Variants in CYP2S1 observed in about 807,000 individuals in gnomAD.
CYP2S1 encodes cytochrome P450 2S1.
A neutral mutation model predicts 43.5 loss-of-function variants in CYP2S1; 32 were observed. The ratio of observed to expected loss-of-function variants is 0.74; its 90% confidence interval spans 0.56 to 0.99. The LOEUF (loss-of-function observed/expected upper bound fraction) is 0.99, where lower values mean the gene tolerates loss of function less well. Ranked by LOEUF, CYP2S1 falls within the 50% of genes least tolerant of loss-of-function variation. The probability of loss-of-function intolerance (pLI) is 0.00; values close to 1 mark genes in which losing one functional copy is unlikely to be tolerated. For synonymous variants in CYP2S1, 283 were observed against 302.9 expected, an observed-to-expected ratio of 0.93 and a Z score of 0.68; for missense variants, 575 against 673.9, an observed-to-expected ratio of 0.85 and a Z score of 1.62.
chr19:41,205,226 G>A (rs1170938090), intron 7 of CYP2S1, among the ~76,000 whole-genome samples: 1 of 152,110 alleles, frequency 6.6e-6, no homozygotes, highest in African/African-American at 2.4e-5. Context: ...GAAACTGAGA[G>A]CTTGAAAAGT....
At chr19:41,193,957 A>G in intron 1 of CYP2S1, 1 of 155,330 alleles carries the variant, frequency 6.4e-6, no homozygotes, top group Non-Finnish European at 1.4e-5. Flanking sequence ...GCAGGATGGG[A>G]GGATGGGTGG....
At chr19:41,195,537 AAG>A (rs1291281014) in intron 2 of CYP2S1, among the ~76,000 whole-genome samples, 2 of 151,924 alleles carry the variant, frequency 1.3e-5, no homozygotes, top group African/African-American at 4.8e-5. Context: ...GGGTCAGGGC[AAG>A]AGGGGTCAGG....
chr19:41,206,064 T>G lies in CYP2S1; in HGVS notation c.1271T>G (p.Phe424Cys), dbSNP rs1250903079. ...PDRFLDADGR[F>C]RKHEAFLPFS... ...CGTTTCCTGGATGCAGATGGACGGT[T>G]CAGGAAGCATGAGGCGTTCCTGCCC... The change falls in exon 8 of 9, where the codon TTC (phenylalanine) becomes TGC (cysteine). Residue 424 changes from phenylalanine (F) to cysteine (C), a missense_variant. Transcript: ENST00000310054. 6.2e-7 allele frequency: 1 copy of G among 1,614,088 alleles called. No individual in the cohort carries two copies. The highest frequency in any genetic ancestry group is 2.2e-5 in the East Asian group (1 of 44,862).
intron 2 of CYP2S1, among the ~76,000 whole-genome samples, chr19:41,196,078 A>G (rs1287807897): frequency 6.6e-6 from 1 of 152,096 alleles, no homozygotes. Flanking sequence ...GGGCACAGGC[A>G]TATGTACGAG....
At chr19:41,201,511 G>A (rs2033489261) in intron 6 of CYP2S1, 139 bp downstream of exon 6, 2 of 1,260,374 alleles carry the variant, frequency 1.6e-6, no homozygotes, top group Middle Eastern at 2.6e-4. Flanking sequence ...TTTAAGACCA[G>A]CCTGGCCAAC....
Position 41,193,229 on chromosome 19 carries a change from A to T in CYP2S1, c.-36A>T. ...GCCCCTAACTAGCCCAGCCGCGCGGAGCGCCTGGGAGAGGAGAAGGAGCCG... is the reference window on the plus strand; with the variant it reads ...GCCCCTAACTAGCCCAGCCGCGCGGTGCGCCTGGGAGAGGAGAAGGAGCCG... On this transcript the variant is annotated 5_prime_UTR_variant, in exon 1 of 9. Coordinates refer to ENST00000310054, the MANE Select transcript of CYP2S1 (RefSeq NM_030622.8). 3 of 1,486,966 alleles carry T rather than the reference A, an allele frequency of 2.0e-6. No homozygotes were observed. The highest frequency in any genetic ancestry group is 2.7e-6 in the Non-Finnish European group (3 of 1,125,156). The allele number at this position is 1,486,966 out of a possible 1,614,324, so 92.1% of individuals were successfully genotyped here.
At chr19:41,202,050 G>A (rs113105608) in intron 6 of CYP2S1, among the ~76,000 whole-genome samples, 1,630 of 152,134 alleles carry the variant, frequency 0.011, 35 homozygotes, top group African/African-American at 0.038. Flanking sequence ...GCAGTAGTGC[G>A]ATCTCGGCCC....
At position 41,199,928 on chromosome 19, in the gene CYP2S1, C is replaced by A. The variant is rs375272116; in HGVS notation, c.834+1040C>A. On this transcript the variant is annotated intron_variant, in intron 5 of 8. Transcript: ENST00000310054. The stretch of plus-strand genomic sequence containing the variant: ...TAGGTTGCGGTGAGCTGAGATTGCA[C>A]CATTGCACTCCAGCCTGGGCAACAA... Among the ~76,000 whole-genome samples the A allele has an allele frequency of 6.6e-5, 10 of 150,524 alleles. 1 individual carries two copies. In the East Asian group the frequency reaches 1.4e-3, roughly 21 times the overall value.
rs1317007312 is a variant in CYP2S1, at chr19:41,198,462, G to A, written c.494G>A (p.Gly165Glu). 5 of 1,613,650 alleles carry A rather than the reference G, an allele frequency of 3.1e-6. No individual in the cohort carries two copies. The highest frequency in any genetic ancestry group is 4.2e-6 in the Non-Finnish European group (5 of 1,179,820). The change falls in exon 4 of 9, where the codon GGA becomes GAA. Residue 165 changes from glycine (G) to glutamate (E), a missense_variant and splice_region_variant. By Grantham distance (98) the Gly-to-Glu change is moderately conservative (BLOSUM62 -2). Coordinates refer to ENST00000310054, the MANE Select transcript of CYP2S1 (RefSeq NM_030622.8). The surrounding 1 kb of genome is among the most constrained non-coding windows in gnomAD (Gnocchi z 4.9). ...CLVETFQGTEGRPFDPSLLLA... is the reference protein window; with the variant it reads ...CLVETFQGTEERPFDPSLLLA... Reference sequence around the variant, plus strand: ...ACCTCCCTGCCCCCATTCCCCCCAGGACGCCCATTCGATCCCTCCCTGCTG... The same window carrying A: ...ACCTCCCTGCCCCCATTCCCCCCAGAACGCCCATTCGATCCCTCCCTGCTG...
chr19:41,205,467 CTT>C (rs2033562970), intron 7 of CYP2S1, among the ~76,000 whole-genome samples: 1 of 149,110 alleles, frequency 6.7e-6, no homozygotes, highest in African/African-American at 2.5e-5. Flanking sequence ...CTCTCTCTCT[CTT>C]TCTTCCTTTC....
intron 7 of CYP2S1, among the ~76,000 whole-genome samples, chr19:41,205,358 C>T (rs1356638980): frequency 3.0e-5 from 3 of 99,424 alleles, no homozygotes; most frequent in African/African-American, 1.8e-4. Flanking sequence ...TTCTTTCTTT[C>T]TTTCTTTCTT....
chr19:41,196,311 G>A (rs2033412358), intron 2 of CYP2S1, among the ~76,000 whole-genome samples: 1 of 152,184 alleles, frequency 6.6e-6, no homozygotes, highest in African/African-American at 2.4e-5. Flanking sequence ...AAGCTGAGAA[G>A]CCAGGGAAAT....
At chr19:41,196,521 G>A (rs338596) in intron 2 of CYP2S1, among the ~76,000 whole-genome samples, 56,482 of 151,788 alleles carry the variant, frequency 0.37, 12,830 homozygotes, top group African/African-American at 0.64. Flanking sequence ...TGGGAGGTCC[G>A]CGGTGATGGA....
chr19:41,194,559 G>A lies in CYP2S1; in HGVS notation c.193G>A (p.Gly65Arg), dbSNP rs773395536. The A allele has an allele frequency of 5.6e-6, 9 of 1,596,934 alleles. No homozygotes were observed. The highest frequency in any genetic ancestry group is 2.3e-5 in the South Asian group (2 of 88,370). ...SGLMRLSKKYGPVFTIYLGPW... is the reference protein window; with the variant it reads ...SGLMRLSKKYRPVFTIYLGPW... ...CTACCCCCAGCTGAGTAAGAAGTACGGACCGGTGTTCACCATCTACCTGGG... is the reference window on the plus strand; with the variant it reads ...CTACCCCCAGCTGAGTAAGAAGTACAGACCGGTGTTCACCATCTACCTGGG... The change falls in exon 2 of 9, where the codon GGA becomes AGA. Residue 65 changes from glycine to arginine, a missense_variant. Gly to Arg is a moderately radical substitution (Grantham distance 125). This residue lies in a region of CYP2S1 where 353 missense variants were observed against 367.6 expected (regional missense o/e 0.96). Transcript: ENST00000310054.
intron 6 of CYP2S1, among the ~76,000 whole-genome samples, chr19:41,202,544 CT>C (rs763545255): frequency 6.6e-6 from 1 of 152,058 alleles, no homozygotes; most frequent in Non-Finnish European, 1.5e-5. Context: ...AATCCCAGCA[CT>C]TTGGGAGGCT....
intron 2 of CYP2S1, 130 bp from the exon 3 acceptor site, chr19:41,197,649 G>A (rs1176064700): frequency 1.0e-5 from 14 of 1,386,266 alleles, no homozygotes; most frequent in African/African-American, 4.4e-5. Flanking sequence ...GCAGTGAGAC[G>A]AGATCACGCC....
intron 5 of CYP2S1, among the ~76,000 whole-genome samples, chr19:41,200,799 T>C (rs2033478247): frequency 6.6e-6 from 1 of 152,176 alleles, no homozygotes; most frequent in African/African-American, 2.4e-5. Context: ...TTGAAACCCA[T>C]GTATACCATT....
At chr19:41,202,776 A>G (rs1331147582) in intron 6 of CYP2S1, among the ~76,000 whole-genome samples, 4 of 151,476 alleles carry the variant, frequency 2.6e-5, no homozygotes, top group Non-Finnish European at 5.9e-5. Flanking sequence ...AGCCTGGGCA[A>G]CAGAGTAAGA....
chr19:41,193,401 T>C lies in CYP2S1; in HGVS notation c.137T>C (p.Leu46Pro), dbSNP rs1363439188. ...PTPLPLLGNL[L>P]QLRPGALYSG... is the part of the protein sequence containing the mutation. ...CCGCTACCACTGCTGGGAAACCTCC[T>C]GCAGCTACGGCCCGGGGCGCTGTAT... The change falls in exon 1 of 9, where the codon CTG becomes CCG. Residue 46 changes from leucine (L) to proline (P), a missense_variant. Physicochemically the swap from Leu to Pro is moderately conservative, Grantham distance 98. Around this residue, in one of 2 missense-constraint regions of CYP2S1, gnomAD observed 353 missense variants for 367.6 expected, o/e 0.96. Coordinates refer to ENST00000310054, the MANE Select transcript of CYP2S1 (RefSeq NM_030622.8). 35 of 1,516,350 alleles carry C rather than the reference T, an allele frequency of 2.3e-5. No homozygotes were observed. Among genetic ancestry groups the C allele is most frequent in the Non-Finnish European group, 3.0e-5 (34 of 1,130,208 alleles). 93.9% of individuals were successfully genotyped at this position (1,516,350 alleles called of 1,614,324 possible).
Sources: gnomAD v4.1 joint callset for allele counts (sites outside exome capture counted in the v4.1 genomes callset) on GRCh38, gnomAD v4.1.1 for gene constraint, gnomAD v4.1.1 regional missense constraint, Gnocchi (gnomAD v3.1) non-coding constraint, MANE v1.5 for transcripts, NCBI Gene and HGNC (gene_info 2026-07-23, HGNC 2026-07-21) for gene names.